THBS4: variants seen among roughly 807,000 people sequenced by gnomAD.
The protein encoded by THBS4 is thrombospondin 4, also known as thrombospondin-4.
THBS4 carries 90 observed loss-of-function variants against 115.7 expected under a neutral mutation model. That is an observed-to-expected ratio of 0.78 (90% confidence interval 0.66 to 0.93). THBS4 has a LOEUF of 0.93. Ranked by LOEUF, THBS4 falls within the 40% of genes least tolerant of loss-of-function variation. THBS4 has a pLI of 0.00. For synonymous variants in THBS4, 460 were observed against 479.3 expected (o/e 0.96, Z 0.53); for missense variants, 1,087 against 1,232.7 (o/e 0.88, Z 1.77).
chr5:80,079,222 A>G lies in THBS4; in HGVS notation c.2475A>G (p.Pro825=). 2 of 1,613,640 alleles carry G rather than the reference A, an allele frequency of 1.2e-6. No homozygotes were observed. The highest frequency in any genetic ancestry group is 2.2e-5 in the East Asian group (1 of 44,890). ...AGCAGACATATTGGCAAGCCACCCCATTCCGAGCAGTTGCAGAACCTGGCA... is the reference window on the plus strand; with the variant it reads ...AGCAGACATATTGGCAAGCCACCCCGTTCCGAGCAGTTGCAGAACCTGGCA... The part of the protein sequence containing the change: ...QTEQTYWQAT[P]FRAVAEPGIQ... The change falls in exon 19 of 22, where the codon CCA becomes CCG. Residue 825 remains proline, a synonymous_variant. Coordinates refer to ENST00000350881, the MANE Select transcript of THBS4 (RefSeq NM_003248.6).
chr5:80,052,669 C>T (rs753694351), intron 2 of THBS4: 1 of 152,008 alleles, frequency 6.6e-6, no homozygotes, highest in Admixed American at 6.6e-5. Flanking sequence ...GTCACAGAAC[C>T]TCACGCCAAC....
At chr5:80,011,976 G>C (rs1832136219) in intron 2 of THBS4, among the ~76,000 whole-genome samples, 1 of 151,956 alleles carries the variant, frequency 6.6e-6, no homozygotes, top group South Asian at 2.1e-4. Flanking sequence ...GTGTTGCTTG[G>C]ATTTTCAACA....
chr5:80,050,974 T>C (rs1833236161), intron 2 of THBS4, among the ~76,000 whole-genome samples: 1 of 152,168 alleles, frequency 6.6e-6, no homozygotes, highest in East Asian at 1.9e-4. Flanking sequence ...GGTGGGATGG[T>C]TCCAGCCTCA....
chr5:80,020,503 AAAAG>A (rs933149522), intron 2 of THBS4, among the ~76,000 whole-genome samples: 1 of 151,862 alleles, frequency 6.6e-6, no homozygotes, highest in Non-Finnish European at 1.5e-5. Context: ...AACAAACAAA[AAAAG>A]AAAGTGAAAT....
chr5:79,991,826 G>T (rs912934278), intron 1 of THBS4, among the ~76,000 whole-genome samples: 2 of 152,186 alleles, frequency 1.3e-5, no homozygotes, highest in Non-Finnish European at 2.9e-5. Context: ...TCAAAAATGA[G>T]CTTAACTCAC....
chr5:80,079,449 C>T (rs1324978880), intron 19 of THBS4, among the ~76,000 whole-genome samples, 191 bp downstream of exon 19: 1 of 152,234 alleles, frequency 6.6e-6, no homozygotes, highest in Non-Finnish European at 1.5e-5. Flanking sequence ...TCTAACCTCT[C>T]ATGGTGGGAA....
chr5:80,007,279 T>C (rs966775654), intron 2 of THBS4, among the ~76,000 whole-genome samples: 9 of 152,226 alleles, frequency 5.9e-5, no homozygotes, highest in Non-Finnish European at 1.3e-4. Context: ...AATAGCATGG[T>C]TAAAAGAACT....
Position 80,001,262 on chromosome 5 carries a change from C to T in THBS4, n.177+2835C>T, listed in dbSNP as rs535492994. Among the ~76,000 whole-genome samples, 10 of 120,872 alleles carry T rather than the reference C, an allele frequency of 8.3e-5. No homozygotes were observed. The East Asian group carries it at 1.4e-3, about 17-fold the overall frequency. The allele number at this position is 120,872 out of a possible 152,430, so 79.3% of individuals were successfully genotyped here. ...TTTGCACGTACTACATATTTGTTGC[C>T]GTGTTTTAGAAATATTTTAGAAGTT... On this transcript the variant is annotated intron_variant and non_coding_transcript_variant, in intron 2 of 3. Transcript: ENST00000510218.
intron 9 of THBS4, chr5:80,066,487 C>T (rs1833829622): frequency 6.6e-6 from 1 of 152,194 alleles, no homozygotes; most frequent in Non-Finnish European, 1.5e-5. Context: ...TGCCTATAGT[C>T]CCAGCTCCTC....
chr5:80,050,123 G>A (rs1833206416), intron 2 of THBS4, among the ~76,000 whole-genome samples: 1 of 152,232 alleles, frequency 6.6e-6, no homozygotes, highest in African/African-American at 2.4e-5. Flanking sequence ...AACTCAATGT[G>A]CTGCAGCTGA....
chr5:79,991,835 A>G (rs1379159792), intron 1 of THBS4, among the ~76,000 whole-genome samples: 1 of 152,166 alleles, frequency 6.6e-6, no homozygotes, highest in Non-Finnish European at 1.5e-5. Context: ...AGCTTAACTC[A>G]CCTTCCCTGT....
intron 1 of THBS4, among the ~76,000 whole-genome samples, chr5:80,037,572 T>G (rs1416159045): frequency 6.6e-6 from 1 of 152,176 alleles, no homozygotes; most frequent in Non-Finnish European, 1.5e-5. Flanking sequence ...TGTTCATTAC[T>G]AACTAATCCC....
In THBS4 at chr5:80,059,868, A is replaced by G; in HGVS notation, c.950A>G (p.Tyr317Cys). 1 of 1,614,170 alleles carries G rather than the reference A, an allele frequency of 6.2e-7. No individual in the cohort carries two copies. The highest frequency in any genetic ancestry group is 1.3e-5 in the African/African-American group (1 of 75,042). The change falls in exon 7 of 22, where the codon TAC becomes TGC. Residue 317 changes from tyrosine (Y) to cysteine (C), a missense_variant. Tyr to Cys is a radical substitution (Grantham distance 194). Transcript: ENST00000350881. ...GFQCGPCPEG[Y>C]TGNGITCIDV... ...CAGTGTGGGCCCTGCCCCGAGGGCTACACAGGAAACGGGATCACCTGTATT... is the reference window on the plus strand; with the variant it reads ...CAGTGTGGGCCCTGCCCCGAGGGCTGCACAGGAAACGGGATCACCTGTATT...
chr5:80,072,148 C>T, intron 13 of THBS4, 130 bp from the exon 14 acceptor site: 1 of 761,912 alleles, frequency 1.3e-6, no homozygotes, highest in Non-Finnish European at 2.3e-6. Context: ...CTCTGGATAA[C>T]TGCAGAAAAG....
At chr5:80,082,660 A>G in intron 21 of THBS4, 115 bp downstream of exon 21, 1 of 1,272,836 alleles carries the variant, frequency 7.9e-7, no homozygotes, top group Non-Finnish European at 1.1e-6. Context: ...CCACATAGTC[A>G]TTAAAACCTG....
chr5:80,046,696 G>A (rs256440), intron 2 of THBS4, among the ~76,000 whole-genome samples: 35,944 of 151,892 alleles, frequency 0.24, 4,694 homozygotes, highest in African/African-American at 0.34. Flanking sequence ...GGATGAAGTC[G>A]CTTATTATAC....
At chr5:80,060,716 A>C (rs571121695) in intron 7 of THBS4, among the ~76,000 whole-genome samples, 1 of 152,272 alleles carries the variant, frequency 6.6e-6, no homozygotes, top group East Asian at 1.9e-4. Flanking sequence ...CCATGATGGC[A>C]CCACTGCACT....
chr5:80,080,579 C>CTTTTATTTTTTTTTTTTTTT (rs1743444821), intron 20 of THBS4, among the ~76,000 whole-genome samples: 1 of 50,464 alleles, frequency 2.0e-5, no homozygotes, highest in Non-Finnish European at 3.5e-5. Context: ...GCGCTTGTAT[C>CTTTTATTTTTTTTTTTTTTT]TTTTTTTTTT....
At chr5:80,049,356 T>A (rs1833178358) in intron 2 of THBS4, among the ~76,000 whole-genome samples, 1 of 152,198 alleles carries the variant, frequency 6.6e-6, no homozygotes, top group Non-Finnish European at 1.5e-5. Context: ...GACAGTGCCA[T>A]AAAATCAGGC....
Sources: gnomAD v4.1 joint callset for allele counts (sites outside exome capture counted in the v4.1 genomes callset) on GRCh38, gnomAD v4.1.1 for gene constraint, MANE v1.5 for transcripts, NCBI Gene and HGNC (gene_info 2026-07-23, HGNC 2026-07-21) for gene names.